USH2A: variants seen among roughly 807,000 people sequenced by gnomAD.
USH2A encodes usherin.
In USH2A, 443 loss-of-function variants were observed where a neutral mutation model predicts 538.9. The ratio of observed to expected loss-of-function variants is 0.82; its 90% CI spans 0.76 to 0.89. The LOEUF (loss-of-function observed/expected upper bound fraction) is 0.89, where lower values mean the gene tolerates loss of function less well. USH2A is among the 40% of genes least tolerant of loss of function. The probability of loss-of-function intolerance (pLI) is 0.00; values close to 1 mark genes in which losing one functional copy is unlikely to be tolerated. For synonymous variants in USH2A, 2,413 were observed against 2,273.5 expected (o/e 1.06, Z -1.75); for missense variants, 6,633 against 6,324.8 (o/e 1.05, Z -1.65).
At chr1:216,378,996 T>A (rs1055145938) in intron 3 of USH2A, among the ~76,000 whole-genome samples, 1 of 152,186 alleles carries the variant, frequency 6.6e-6, no homozygotes, top group African/African-American at 2.4e-5. Context: ...ATACAACTTA[T>A]TTTTTAGCCA....
intron 21 of USH2A, among the ~76,000 whole-genome samples, chr1:216,155,673 T>C (rs1041901241): frequency 2.6e-5 from 4 of 152,332 alleles, no homozygotes; most frequent in Admixed American, 6.5e-5. Flanking sequence ...TTCTTCCACT[T>C]GGCTGGCTTG....
At chr1:215,640,763 A>C (rs747572299) in intron 67 of USH2A, 29 bp from the exon 68 acceptor site, 2 of 1,612,948 alleles carry the variant, frequency 1.2e-6, no homozygotes, top group South Asian at 1.1e-5. Context: ...ATGTTCTAAA[A>C]AGGGTAACCT....
intron 4 of USH2A, among the ~76,000 whole-genome samples, chr1:216,328,490 T>C (rs1433771361): frequency 6.6e-6 from 1 of 152,162 alleles, no homozygotes; most frequent in Non-Finnish European, 1.5e-5. Context: ...ATTTCAATAA[T>C]TGTTTATTTC....
intron 15 of USH2A, among the ~76,000 whole-genome samples, chr1:216,212,571 G>T (rs1411465468): frequency 6.6e-6 from 1 of 151,986 alleles, no homozygotes; most frequent in Non-Finnish European, 1.5e-5. Flanking sequence ...TTTGGTAGTT[G>T]TATGATTATA....
intron 47 of USH2A, among the ~76,000 whole-genome samples, chr1:215,818,063 G>A (rs925214624): frequency 1.8e-4 from 27 of 151,724 alleles, no homozygotes; most frequent in African/African-American, 6.3e-4. Flanking sequence ...CTTTTCTTTA[G>A]CTTACTTATG....
At chr1:215,777,235 A>T (rs1054985023) in intron 55 of USH2A, among the ~76,000 whole-genome samples, 1 of 152,332 alleles carries the variant, frequency 6.6e-6, no homozygotes, top group African/African-American at 2.4e-5. Flanking sequence ...ACATAAAAAT[A>T]GCCATTAAAA....
At chr1:215,654,961 T>C (rs1464309230) in intron 64 of USH2A, among the ~76,000 whole-genome samples, 1 of 152,244 alleles carries the variant, frequency 6.6e-6, no homozygotes, top group Non-Finnish European at 1.5e-5. Flanking sequence ...CATAATCACA[T>C]TGCTGTGAAA....
chr1:215,853,180 C>A (rs1192817760), intron 44 of USH2A, among the ~76,000 whole-genome samples: 1 of 152,198 alleles, frequency 6.6e-6, no homozygotes, highest in Non-Finnish European at 1.5e-5. Flanking sequence ...GGTTCCCAAA[C>A]CTCAAATCTT....
At position 216,230,586 on chromosome 1, in the gene USH2A, T is replaced by C. The variant is rs2035657642; in HGVS notation, c.2993+1367A>G. Among the ~76,000 whole-genome samples the C allele has an allele frequency of 1.3e-5, 2 of 152,186 alleles. 1 individual carries two copies. Among genetic ancestry groups the C allele is most frequent in the South Asian group, 4.1e-4 (2 of 4,828 alleles). On this transcript the variant is annotated intron_variant, in intron 14 of 71. Transcript: ENST00000307340. ...AGTCAAAATGAACTAGTTTAAGTTC[T>C]TTTTCAGTAATTACCCTGTCACCTG...
chr1:216,249,126 A>G (rs1484111043), intron 12 of USH2A, among the ~76,000 whole-genome samples: 1 of 151,976 alleles, frequency 6.6e-6, no homozygotes, highest in Non-Finnish European at 1.5e-5. Context: ...TGCTGATCCC[A>G]TTAGGAAAGT....
rs777682016 is a variant in USH2A at position 216,364,983 on chromosome 1, C to A, written c.754G>T (p.Gly252Cys). 32 of 1,613,616 alleles carry A rather than the reference C, an allele frequency of 2.0e-5. No individual in the cohort carries two copies. Among genetic ancestry groups the A allele is most frequent in the Middle Eastern group, 3.3e-4 (2 of 6,056 alleles). The part of the protein sequence containing the change: ...LSGSITDFAS[G>C]TVQIGQSLNG... Reference sequence around the variant, plus strand: ...AAACTCTGTCCTATTTGCACAGTACCAGATGCAAAATCTGTAATTGAACCA... The same window carrying A: ...AAACTCTGTCCTATTTGCACAGTACAAGATGCAAAATCTGTAATTGAACCA... Residue 252 changes from glycine (G) to cysteine (C), a missense_variant, in exon 4 of 72, where the codon GGT becomes TGT. By Grantham distance (159) the Gly-to-Cys change is radical (BLOSUM62 -3). Transcript: ENST00000307340.
At chr1:216,281,636 A>C (rs1231456547) in intron 11 of USH2A, among the ~76,000 whole-genome samples, 1 of 152,132 alleles carries the variant, frequency 6.6e-6, no homozygotes, top group East Asian at 1.9e-4. Context: ...GTTGATGGAC[A>C]TTCTGACTAT....
chr1:215,774,785 G>C lies in USH2A; in HGVS notation c.10939+5058C>G, dbSNP rs74141408. On this transcript the variant is annotated intron_variant, in intron 55 of 71. Transcript: ENST00000307340. ...GTACATTGGAATATCTGGGATTTAA[G>C]GGGAATTTTAAAAAATATCATTGTC... Among the ~76,000 whole-genome samples the C allele has an allele frequency of 6.9e-3, 1,047 of 152,068 alleles. 12 individuals carry two copies. The highest frequency in any genetic ancestry group is 0.024 in the African/African-American group (994 of 41,494).
In USH2A at chr1:215,878,847, G is replaced by A. The variant is rs752360388; in HGVS notation, c.8475C>T (p.Gly2825=). ...CACTTAGTGGAATCACAGACAATGGGCCAACATTCTGAGGTACGGTGGGGT... is the reference window on the plus strand; with the variant it reads ...CACTTAGTGGAATCACAGACAATGGACCAACATTCTGAGGTACGGTGGGGT... ...TTHPTVPQNV[G]PLSVIPLSES... The change falls in exon 42 of 72, where the codon GGC becomes GGT. Residue 2825 remains glycine, a synonymous_variant. Transcript: ENST00000307340. 6.2e-7 allele frequency: 1 copy of A among 1,613,988 alleles called. No individual in the cohort carries two copies. The highest frequency in any genetic ancestry group is 1.7e-4 in the Middle Eastern group (1 of 6,060).
chr1:215,895,461 A>C (rs957743571), intron 40 of USH2A, among the ~76,000 whole-genome samples: 2 of 152,190 alleles, frequency 1.3e-5, no homozygotes, highest in Non-Finnish European at 2.9e-5. Flanking sequence ...GAATGTGTAG[A>C]ATTATGTCAG....
chr1:216,303,632 T>A (rs967681545), intron 9 of USH2A, among the ~76,000 whole-genome samples: 4 of 151,996 alleles, frequency 2.6e-5, no homozygotes. Flanking sequence ...TTCTTTAAGA[T>A]TTAAAATGTC....
intron 26 of USH2A, among the ~76,000 whole-genome samples, chr1:216,083,131 T>C (rs1206734402): frequency 6.6e-6 from 1 of 152,152 alleles, no homozygotes; most frequent in East Asian, 1.9e-4. Flanking sequence ...ATAATATATA[T>C]GCTTTCAAAA....
At chr1:215,864,394 T>A (rs1269020430) in intron 44 of USH2A, among the ~76,000 whole-genome samples, 2 of 152,164 alleles carry the variant, frequency 1.3e-5, no homozygotes, top group Non-Finnish European at 2.9e-5. Flanking sequence ...ACAATATAAT[T>A]TATCTTTGGT....
At chr1:216,175,669 A>G (rs1391104142) in intron 20 of USH2A, among the ~76,000 whole-genome samples, 187 bp from the exon 21 acceptor site, 1 of 152,234 alleles carries the variant, frequency 6.6e-6, no homozygotes, top group East Asian at 1.9e-4. Flanking sequence ...ATGCAGTGAA[A>G]CAAAATTTAA....
Sources: allele counts gnomAD v4.1 joint callset (sites outside exome capture counted in the v4.1 genomes callset), GRCh38; gene constraint gnomAD v4.1.1; transcripts MANE v1.5; gene names NCBI Gene and HGNC (gene_info 2026-07-23, HGNC 2026-07-21).